The following SGPP1 variants were observed in gnomAD, a reference collection of about 807,000 sequenced individuals.
The protein encoded by SGPP1 is sphingosine-1-phosphate phosphatase 1.
SGPP1 carries 21 observed loss-of-function variants against 33.0 expected under a neutral mutation model. The observed-to-expected ratio is 0.64, with a 90% confidence interval of 0.45 to 0.92. The LOEUF (loss-of-function observed/expected upper bound fraction) is 0.92, where lower values mean the gene tolerates loss of function less well. SGPP1 is among the 40% of genes least tolerant of loss of function. The pLI is 0.00. For synonymous variants in SGPP1, 239 were observed against 241.2 expected, an observed-to-expected ratio of 0.99 and a Z score of 0.08; for missense variants, 543 against 589.4, an observed-to-expected ratio of 0.92 and a Z score of 0.81.
chr14:63,719,981 C>T (rs1431290281), intron 1 of SGPP1, among the ~76,000 whole-genome samples: 2 of 150,588 alleles, frequency 1.3e-5, no homozygotes, highest in African/African-American at 4.9e-5. Flanking sequence ...AAAAAATTAG[C>T]TGGACATGGT....
chr14:63,705,386 C>A (rs1022940668), intron 1 of SGPP1, among the ~76,000 whole-genome samples: 1 of 150,662 alleles, frequency 6.6e-6, no homozygotes, highest in Non-Finnish European at 1.5e-5. Context: ...AAAATATGCT[C>A]GCCTGGCATG....
chr14:63,727,867 C>T lies in SGPP1; in HGVS notation c.78G>A (p.Leu26=). 2.6e-6 allele frequency: 4 copies of T among 1,522,110 alleles called. No homozygotes were observed. The highest frequency in any genetic ancestry group is 3.5e-6 in the Non-Finnish European group (4 of 1,141,332). 94.3% of individuals were successfully genotyped at this position (1,522,110 alleles called of 1,614,324 possible). A position where few individuals can be genotyped will look rare whatever the true frequency, so the allele number is the denominator to read the frequency against. The change falls in exon 1 of 3, where the codon CTG becomes CTA. Residue 26 remains leucine (L), a synonymous_variant. Transcript: ENST00000247225. The part of the protein sequence containing the change: ...DPQKVARFQR[L]CGVEAPPRRS... ...GGCGCGGCGGCGCTTCCACCCCGCA[C>T]AGCCGCTGGAAACGGGCCACTTTCT... is the stretch of plus-strand genomic sequence containing the variant.
At position 63,686,487 on chromosome 14, in the gene SGPP1, G is replaced by A; in HGVS notation, c.944C>T (p.Ser315Phe). The change falls in exon 3 of 3, where the codon TCC becomes TTC. Residue 315 changes from serine to phenylalanine, a missense_variant. Transcript: ENST00000247225. ...FSFTLDTWST[S>F]RGDTAEILGS... ...TAGTATCTCGGCTGTGTCTCCTCGG[G>A]ATGTGCTCCAGGTGTCAAGAGTGAA... 6.2e-7 allele frequency: 1 copy of A among 1,614,064 alleles called. No homozygotes were observed. The highest frequency in any genetic ancestry group is 2.2e-5 in the East Asian group (1 of 44,868).
At chr14:63,710,947 A>C (rs1397011687) in intron 1 of SGPP1, among the ~76,000 whole-genome samples, 1 of 151,872 alleles carries the variant, frequency 6.6e-6, no homozygotes. Context: ...AATAATCATA[A>C]CCCTACAGTA....
At chr14:63,686,679 T>C in intron 2 of SGPP1, 23 bp from the exon 3 acceptor site, 1 of 1,509,310 alleles carries the variant, frequency 6.6e-7, no homozygotes, top group Non-Finnish European at 9.1e-7. Context: ...AAAAGTATCG[T>C]TGTTTAGTAT....
chr14:63,711,543 TG>T (rs1885524262), intron 1 of SGPP1, among the ~76,000 whole-genome samples: 1 of 152,188 alleles, frequency 6.6e-6, no homozygotes, highest in Non-Finnish European at 1.5e-5. Flanking sequence ...AGCTCAAGTC[TG>T]AAACCATTCT....
At chr14:63,689,260 G>C (rs899185326) in intron 2 of SGPP1, among the ~76,000 whole-genome samples, 1 of 151,972 alleles carries the variant, frequency 6.6e-6, no homozygotes, top group Non-Finnish European at 1.5e-5. Context: ...TTCCTCCCTG[G>C]AGGCAATTTG....
intron 1 of SGPP1, among the ~76,000 whole-genome samples, chr14:63,717,340 A>C (rs1595071531): frequency 6.9e-6 from 1 of 144,916 alleles, no homozygotes; most frequent in South Asian, 2.2e-4. Flanking sequence ...TTTGAGACGG[A>C]GTCTCACTCT....
chr14:63,692,455 CTT>C (rs143607749), intron 2 of SGPP1, among the ~76,000 whole-genome samples: 10 of 144,624 alleles, frequency 6.9e-5, no homozygotes, highest in Admixed American at 1.4e-4. Flanking sequence ...GTTCAACTTC[CTT>C]TTTTTTTTTT....
rs1056365357 is a variant in SGPP1, at chr14:63,684,434, G to A, written c.*1671C>T. ...TAAAGCTCTTTTCACATTTTCCAAC[G>A]TACCAATATTTTCCTACATGCCTTG... On this transcript the variant is annotated 3_prime_UTR_variant, in exon 3 of 3. Transcript: ENST00000247225. The A allele has an allele frequency of 2.0e-5, 3 of 152,002 alleles. No homozygotes were observed. Among genetic ancestry groups the A allele is most frequent in the Admixed American group, 6.6e-5 (1 of 15,256 alleles). 9.4% of individuals were successfully genotyped at this position (152,002 alleles called of 1,614,324 possible). A position where few individuals can be genotyped will look rare whatever the true frequency, so the allele number is the denominator to read the frequency against.
At chr14:63,712,095 C>T (rs1175699857) in intron 1 of SGPP1, among the ~76,000 whole-genome samples, 1 of 151,094 alleles carries the variant, frequency 6.6e-6, no homozygotes, top group Non-Finnish European at 1.5e-5. Flanking sequence ...TTAATAATCA[C>T]ATATAATATT....
In SGPP1 at chr14:63,698,659, C is replaced by A; in HGVS notation, c.685-1G>T. Reference sequence around the variant, plus strand: ...GAATCAGTCCATATATAAGAGGGTACTAAAGGGGAAAAAAAGTAAAATTAG... The same window carrying A: ...GAATCAGTCCATATATAAGAGGGTAATAAAGGGGAAAAAAAGTAAAATTAG... On this transcript the variant is annotated splice_acceptor_variant, in intron 1 of 2. Transcript: ENST00000247225. LOFTEE classifies it high-confidence loss of function. The A allele has an allele frequency of 6.5e-7, 1 of 1,543,136 alleles. No homozygotes were observed. Among genetic ancestry groups the A allele is most frequent in the Admixed American group, 2.2e-5 (1 of 46,434 alleles).
intron 2 of SGPP1, among the ~76,000 whole-genome samples, chr14:63,691,090 GTAAA>G (rs1439177641): frequency 2.2e-4 from 33 of 152,346 alleles, no homozygotes; most frequent in African/African-American, 7.9e-4. Context: ...ACAATAGTAA[GTAAA>G]TAAAGTTGCT....
chr14:63,717,902 T>C (rs551014241), intron 1 of SGPP1, among the ~76,000 whole-genome samples: 2 of 152,244 alleles, frequency 1.3e-5, no homozygotes, highest in South Asian at 2.1e-4. Context: ...AGCAGATATT[T>C]TGTCAAAAAC....
In SGPP1 at chr14:63,686,107, A is replaced by G; in HGVS notation, c.1324T>C (p.Ter442ArgextTer29). The G allele has an allele frequency of 6.4e-7, 1 of 1,566,648 alleles. No homozygotes were observed. The highest frequency in any genetic ancestry group is 8.7e-7 in the Non-Finnish European group (1 of 1,150,770). ...PYIFFFIGIS[*>R] Reference sequence around the variant, plus strand: ...TTATCATAAACAATACTTCTCCATCAAGAGATACCAATAAAGAAAAATATG... The same window carrying G: ...TTATCATAAACAATACTTCTCCATCGAGAGATACCAATAAAGAAAAATATG... Residue 442 changes from the stop codon to arginine, a stop_lost, in exon 3 of 3, where the codon TGA (stop) becomes CGA (arginine). Transcript: ENST00000247225.
intron 1 of SGPP1, among the ~76,000 whole-genome samples, chr14:63,714,087 C>T (rs745410556): frequency 2.6e-5 from 4 of 152,226 alleles, no homozygotes; most frequent in Non-Finnish European, 4.4e-5. Flanking sequence ...CCAGCACATA[C>T]TTACACCAGC....
chr14:63,713,539 T>C (rs1312391683), intron 1 of SGPP1, among the ~76,000 whole-genome samples: 1 of 152,142 alleles, frequency 6.6e-6, no homozygotes, highest in Non-Finnish European at 1.5e-5. Context: ...ATCCTGAATG[T>C]TGAAATCCCA....
chr14:63,721,885 T>C (rs897953502), intron 1 of SGPP1, among the ~76,000 whole-genome samples: 5 of 152,214 alleles, frequency 3.3e-5, no homozygotes, highest in East Asian at 3.8e-4. Context: ...CATATGTATG[T>C]ACATACACAA....
intron 1 of SGPP1, among the ~76,000 whole-genome samples, chr14:63,712,692 G>A (rs987834826): frequency 1.3e-5 from 2 of 151,706 alleles, no homozygotes; most frequent in African/African-American, 2.4e-5. Flanking sequence ...TTTTGAGGGA[G>A]GGTCTTGCTC....
Sources: gnomAD v4.1 joint callset for allele counts (sites outside exome capture counted in the v4.1 genomes callset) on GRCh38, gnomAD v4.1.1 for gene constraint, MANE v1.5 for transcripts, NCBI Gene and HGNC (gene_info 2026-07-23, HGNC 2026-07-21) for gene names.